The following PPARGC1A variants were observed in gnomAD, a reference collection of about 807,000 sequenced individuals.
PPARGC1A encodes peroxisome proliferator-activated receptor gamma coactivator 1-alpha.
A neutral mutation model predicts 88.7 loss-of-function variants in PPARGC1A; 25 were observed. The observed-to-expected ratio is 0.28, with a 90% CI of 0.21 to 0.39. The LOEUF (loss-of-function observed/expected upper bound fraction) is 0.39, where lower values mean the gene tolerates loss of function less well. Among genes scored for constraint, PPARGC1A ranks in the 10% least tolerant of loss-of-function variants. PPARGC1A has a pLI of 1.00. For missense variants in PPARGC1A, 880 were observed against 968.7 expected (o/e 0.91, Z 1.22); for synonymous variants, 363 against 355.6 (o/e 1.02, Z -0.24).
At chr4:24,221,966 T>C in the PPARGC1A span, among the ~76,000 whole-genome samples, 24 of 152,272 alleles carry the variant, frequency 1.6e-4, no homozygotes, top group Admixed American at 7.8e-4. Flanking sequence ...ATGTTAATTT[T>C]AGCAAGTCCC....
chr4:23,978,174 T>C, the PPARGC1A span, among the ~76,000 whole-genome samples: 1 of 152,200 alleles, frequency 6.6e-6, no homozygotes, highest in African/African-American at 2.4e-5. Context: ...AGGAGGACCA[T>C]TTAAAAGGAA....
the PPARGC1A span, among the ~76,000 whole-genome samples, chr4:24,005,718 G>A: frequency 6.6e-6 from 1 of 152,076 alleles, no homozygotes. Flanking sequence ...AAACCGAAGG[G>A]GAGAAGAGGC....
the PPARGC1A span, among the ~76,000 whole-genome samples, chr4:23,976,679 AAGAC>A: frequency 1.3e-5 from 2 of 152,302 alleles, no homozygotes; most frequent in East Asian, 1.9e-4. Flanking sequence ...AGATGAGAAA[AAGAC>A]AGACACCAGA....
the PPARGC1A span, among the ~76,000 whole-genome samples, chr4:24,181,480 A>C: frequency 1.3e-5 from 2 of 152,202 alleles, no homozygotes; most frequent in African/African-American, 2.4e-5. Flanking sequence ...CTAAGTACTT[A>C]ATTAACACTA....
At chr4:24,351,732 C>T in the PPARGC1A span, among the ~76,000 whole-genome samples, 1 of 151,856 alleles carries the variant, frequency 6.6e-6, no homozygotes, top group Non-Finnish European at 1.5e-5. Flanking sequence ...AATAAAAAGC[C>T]GTCATGGTAC....
chr4:23,853,205 G>C (rs976399204), intron 2 of PPARGC1A, among the ~76,000 whole-genome samples: 1 of 152,078 alleles, frequency 6.6e-6, no homozygotes, highest in Non-Finnish European at 1.5e-5. Flanking sequence ...TCGATTAAAG[G>C]AAAGTACAGA....
chr4:23,793,763 C>T lies in PPARGC1A; in HGVS notation c.*2059G>A, dbSNP rs1336471752. On this transcript the variant is annotated 3_prime_UTR_variant, in exon 13 of 13. Transcript: ENST00000264867. Reference sequence around the variant, plus strand: ...GCAGAAGCAATGTCATCAAGAACAACACCATGGTCACGTCAGAGGCCATGC... The same window carrying T: ...GCAGAAGCAATGTCATCAAGAACAATACCATGGTCACGTCAGAGGCCATGC... 3 of 152,126 alleles carry T rather than the reference C, an allele frequency of 2.0e-5. No individual in the cohort carries two copies. Among genetic ancestry groups the T allele is most frequent in the Non-Finnish European group, 4.4e-5 (3 of 68,002 alleles). 9.4% of individuals were successfully genotyped at this position (152,126 alleles called of 1,614,324 possible). A position where few individuals can be genotyped will look rare whatever the true frequency, so the allele number is the denominator to read the frequency against.
chr4:23,844,480 ATT>A (rs1418054511), intron 2 of PPARGC1A, among the ~76,000 whole-genome samples: 6 of 26,252 alleles, frequency 2.3e-4, no homozygotes, highest in Non-Finnish European at 4.1e-4. Context: ...ATATTAATAT[ATT>A]ATAATAATCA....
chr4:24,075,066 G>A, the PPARGC1A span, among the ~76,000 whole-genome samples: 1 of 152,146 alleles, frequency 6.6e-6, no homozygotes, highest in Non-Finnish European at 1.5e-5. Context: ...AGTGCATGAT[G>A]TCCCTAGGGG....
the PPARGC1A span, among the ~76,000 whole-genome samples, chr4:24,150,338 T>C: frequency 1.8e-4 from 27 of 152,332 alleles, 1 homozygote; most frequent in African/African-American, 6.0e-4. Flanking sequence ...TGTCAATTAA[T>C]GTATTATTCT....
chr4:24,448,446 T>C, the PPARGC1A span, among the ~76,000 whole-genome samples: 1 of 152,228 alleles, frequency 6.6e-6, no homozygotes, highest in Non-Finnish European at 1.5e-5. Flanking sequence ...GCCCATCTTC[T>C]TTGAAGCTGT....
the PPARGC1A span, among the ~76,000 whole-genome samples, chr4:24,258,865 T>G: frequency 1.9e-4 from 29 of 152,326 alleles, no homozygotes; most frequent in African/African-American, 7.0e-4. Flanking sequence ...TATTCATGCA[T>G]TGAAAAAATA....
chr4:24,379,133 G>A, the PPARGC1A span, among the ~76,000 whole-genome samples: 13 of 151,996 alleles, frequency 8.6e-5, no homozygotes, highest in African/African-American at 2.2e-4. Flanking sequence ...ACTTACATAC[G>A]CATCAATAAG....
At chr4:23,973,800 A>G in the PPARGC1A span, among the ~76,000 whole-genome samples, 1 of 152,180 alleles carries the variant, frequency 6.6e-6, no homozygotes. Flanking sequence ...TCATTGGTAA[A>G]GGACACTAAT....
chr4:24,123,696 T>C, the PPARGC1A span, among the ~76,000 whole-genome samples: 1 of 152,104 alleles, frequency 6.6e-6, no homozygotes, highest in Non-Finnish European at 1.5e-5. Flanking sequence ...TGCAATTTTT[T>C]TAGCCTGTGA....
the PPARGC1A span, among the ~76,000 whole-genome samples, chr4:24,334,952 AT>A: frequency 6.6e-6 from 1 of 152,328 alleles, no homozygotes; most frequent in Non-Finnish European, 1.5e-5. Flanking sequence ...GGCAAGACTA[AT>A]TGTAAGCACT....
At chr4:24,347,967 A>G in the PPARGC1A span, among the ~76,000 whole-genome samples, 2 of 152,168 alleles carry the variant, frequency 1.3e-5, no homozygotes, top group Non-Finnish European at 2.9e-5. Flanking sequence ...GAGCCACCAC[A>G]AGACTTACAG....
the PPARGC1A span, among the ~76,000 whole-genome samples, chr4:23,932,142 A>G: frequency 6.6e-6 from 1 of 152,238 alleles, no homozygotes; most frequent in Non-Finnish European, 1.5e-5. Context: ...AAGATGTACA[A>G]GTAAAAGTAA....
the PPARGC1A span, among the ~76,000 whole-genome samples, chr4:24,104,962 TACTTC>T: frequency 6.6e-6 from 1 of 152,202 alleles, no homozygotes; most frequent in African/African-American, 2.4e-5. Flanking sequence ...ATGGGGATCA[TACTTC>T]ACTGGGCTGA....
Sources: allele counts gnomAD v4.1 joint callset (sites outside exome capture counted in the v4.1 genomes callset), GRCh38; gene constraint gnomAD v4.1.1; transcripts MANE v1.5; gene names NCBI Gene and HGNC (gene_info 2026-07-23, HGNC 2026-07-21).